The following HDAC9 variants were observed in gnomAD, a reference collection of about 807,000 sequenced individuals.
HDAC9 encodes MEF-2 interacting transcription repressor (MITR) protein.
In HDAC9, 41 loss-of-function variants were observed where a neutral mutation model predicts 139.4. That is an observed-to-expected ratio of 0.29 (90% CI 0.23 to 0.38). The LOEUF (loss-of-function observed/expected upper bound fraction) is 0.38. HDAC9 is among the 10% of genes least tolerant of loss of function. HDAC9 has a pLI of 1.00. For missense variants in HDAC9, 1,147 were observed against 1,297.0 expected, an observed-to-expected ratio of 0.88 and a Z score of 1.78; for synonymous variants, 517 against 476.2, an observed-to-expected ratio of 1.09 and a Z score of -1.12.
intron 22 of HDAC9, among the ~76,000 whole-genome samples, chr7:18,882,669 A>G (rs139732942): frequency 0.01 from 1,561 of 151,314 alleles, 14 homozygotes; most frequent in South Asian, 0.019. Flanking sequence ...GTGGGTGGGG[A>G]AGGGAGATAA....
chr7:18,889,655 T>A (rs951241331), intron 22 of HDAC9, among the ~76,000 whole-genome samples: 9 of 152,142 alleles, frequency 5.9e-5, no homozygotes, highest in Non-Finnish European at 1.2e-4. Flanking sequence ...GGCTCCACAG[T>A]ATATACACCT....
intron 2 of HDAC9, among the ~76,000 whole-genome samples, chr7:18,254,668 G>A (rs1795120500): frequency 6.6e-6 from 1 of 152,124 alleles, no homozygotes. Context: ...TTATTTTGAG[G>A]TAGAACATAT....
chr7:18,997,854 C>A lies in HDAC9; in HGVS notation c.*1792C>A, dbSNP rs1235072443. 6.6e-6 allele frequency: 1 copy of A among 152,030 alleles called. No individual in the cohort carries two copies. The highest frequency in any genetic ancestry group is 1.5e-5 in the Non-Finnish European group (1 of 67,976). The allele number at this position is 152,030 out of a possible 1,614,324, so 9.4% of individuals were successfully genotyped here. On this transcript the variant is annotated 3_prime_UTR_variant, in exon 26 of 26. Transcript: ENST00000686413. ...TTACATATACAAAAATGGCTCAATACTTGGTTTAACTTCTTAGAAATTTGA... is the reference window on the plus strand; with the variant it reads ...TTACATATACAAAAATGGCTCAATAATTGGTTTAACTTCTTAGAAATTTGA...
At chr7:18,630,785 A>C (rs1265717932) in intron 7 of HDAC9, among the ~76,000 whole-genome samples, 1 of 152,108 alleles carries the variant, frequency 6.6e-6, no homozygotes, top group Non-Finnish European at 1.5e-5. Context: ...AGTAAATAAA[A>C]ATCTTAGGTT....
At chr7:18,590,555 G>C in intron 4 of HDAC9, 69 bp downstream of exon 4, 1 of 1,460,284 alleles carries the variant, frequency 6.8e-7, no homozygotes, top group East Asian at 2.5e-5. Flanking sequence ...TCAGAACAAA[G>C]CCTGATAAAG....
chr7:18,882,552 A>C (rs1186592510), intron 22 of HDAC9, among the ~76,000 whole-genome samples: 8 of 152,128 alleles, frequency 5.3e-5, no homozygotes, highest in African/African-American at 1.9e-4. Context: ...AAAGGAGAGT[A>C]AACAATAGCT....
chr7:18,223,605 A>G (rs1490837914), intron 2 of HDAC9, among the ~76,000 whole-genome samples: 2 of 152,114 alleles, frequency 1.3e-5, no homozygotes, highest in East Asian at 3.9e-4. Context: ...CAAACAAACA[A>G]GAAAATCTCC....
At chr7:18,229,443 C>T (rs578062788) in intron 2 of HDAC9, among the ~76,000 whole-genome samples, 7 of 152,184 alleles carry the variant, frequency 4.6e-5, no homozygotes, top group African/African-American at 7.2e-5. Context: ...ACAACACCTT[C>T]GAACGTATTC....
intron 21 of HDAC9, among the ~76,000 whole-genome samples, chr7:18,851,013 A>C (rs550164599): frequency 5.3e-5 from 8 of 152,308 alleles, no homozygotes; most frequent in African/African-American, 1.7e-4. Context: ...ATGTGAATTT[A>C]TAGGGGACAC....
intron 22 of HDAC9, among the ~76,000 whole-genome samples, chr7:18,908,942 A>C (rs1802508624): frequency 6.6e-6 from 1 of 152,042 alleles, no homozygotes; most frequent in South Asian, 2.1e-4. Context: ...TGGCTGGAGC[A>C]TACAGTCATT....
At chr7:18,352,133 CT>C (rs1782896778) in intron 1 of HDAC9, among the ~76,000 whole-genome samples, 1 of 152,162 alleles carries the variant, frequency 6.6e-6, no homozygotes, top group African/African-American at 2.4e-5. Flanking sequence ...CTGAACTGTT[CT>C]TTGTGTGACC....
intron 1 of HDAC9, among the ~76,000 whole-genome samples, chr7:18,311,830 G>A (rs2128625708): frequency 6.6e-6 from 1 of 152,328 alleles, no homozygotes; most frequent in Admixed American, 6.5e-5. Context: ...TGGCGTTAGA[G>A]CTACTTTTCC....
chr7:18,436,570 A>G (rs1444921094), intron 1 of HDAC9, among the ~76,000 whole-genome samples: 1 of 152,232 alleles, frequency 6.6e-6, no homozygotes, highest in African/African-American at 2.4e-5. Context: ...CTTCACATAT[A>G]CAATAAACAT....
At chr7:18,689,777 A>G (rs1408608188) in intron 12 of HDAC9, among the ~76,000 whole-genome samples, 2 of 151,938 alleles carry the variant, frequency 1.3e-5, no homozygotes, top group African/African-American at 2.4e-5. Flanking sequence ...GGTTGGTGGC[A>G]TATTTCTTCT....
At chr7:18,932,761 GAGAA>G (rs1384923062) in intron 22 of HDAC9, among the ~76,000 whole-genome samples, 3 of 150,554 alleles carry the variant, frequency 2.0e-5, no homozygotes, top group Non-Finnish European at 3.0e-5. Flanking sequence ...GAAAGTTTCA[GAGAA>G]AGAGAGAGAA....
chr7:18,398,753 A>G lies in HDAC9; in HGVS notation c.-41-97509A>G, dbSNP rs560856040. ...GAATGTGCTGTTGAGCTAAGACTCT[A>G]TATGCTGTATTTTAGCCCCAAGCAG... On this transcript the variant is annotated intron_variant, in intron 1 of 3. Transcript: ENST00000413509. Among the ~76,000 whole-genome samples, 5 of 152,282 alleles carry G rather than the reference A, an allele frequency of 3.3e-5. No homozygotes were observed. In the South Asian group the frequency reaches 6.2e-4, roughly 19 times the overall value.
chr7:18,142,891 G>C (rs1397575103), intron 1 of HDAC9, among the ~76,000 whole-genome samples: 2 of 152,176 alleles, frequency 1.3e-5, no homozygotes, highest in African/African-American at 4.8e-5. Context: ...ACCATTATAT[G>C]ATGCTGAGGG....
At chr7:18,956,829 C>G (rs143726910) in intron 24 of HDAC9, among the ~76,000 whole-genome samples, 1 of 152,074 alleles carries the variant, frequency 6.6e-6, no homozygotes, top group Admixed American at 6.6e-5. Flanking sequence ...CAATGAAAAT[C>G]AGGACTAGCT....
chr7:18,717,219 G>A (rs979957532), intron 12 of HDAC9, among the ~76,000 whole-genome samples: 4 of 151,970 alleles, frequency 2.6e-5, no homozygotes, highest in East Asian at 1.9e-4. Flanking sequence ...AACAGTGAGC[G>A]CATTCTGTTG....
Sources: gnomAD v4.1 joint callset for allele counts (sites outside exome capture counted in the v4.1 genomes callset) on GRCh38, gnomAD v4.1.1 for gene constraint, MANE v1.5 for transcripts, NCBI Gene and HGNC (gene_info 2026-07-23, HGNC 2026-07-21) for gene names.